ITM2B: variants seen among roughly 807,000 people sequenced by gnomAD.
ITM2B encodes the protein integral membrane protein 2B, also known as ABri/ADan amyloid peptide.
A neutral mutation model predicts 27.8 loss-of-function variants in ITM2B; 11 were observed. The observed-to-expected ratio is 0.40, with a 90% CI of 0.25 to 0.66. The LOEUF (loss-of-function observed/expected upper bound fraction) is 0.66. ITM2B is among the 30% of genes least tolerant of loss of function. The pLI, the probability that ITM2B is intolerant of heterozygous loss-of-function variation, is 0.43. For synonymous variants in ITM2B, 114 were observed against 114.3 expected (o/e 1.00, Z 0.02); for missense variants, 296 against 328.9 (o/e 0.90, Z 0.77).
chr13:48,239,359 A>T (rs759029484), intron 1 of ITM2B, among the ~76,000 whole-genome samples: 2 of 152,318 alleles, frequency 1.3e-5, no homozygotes, highest in East Asian at 1.9e-4. Flanking sequence ...TTTTCCTGCC[A>T]GGCGCAAGCC....
chr13:48,235,114 C>T (rs1951660250), intron 1 of ITM2B, among the ~76,000 whole-genome samples: 1 of 152,184 alleles, frequency 6.6e-6, no homozygotes, highest in Admixed American at 6.5e-5. Context: ...GATGTCACTT[C>T]AGACAGCTTT....
rs1951828823 is a variant in ITM2B, at chr13:48,262,562, A to G, written c.*1338A>G. 1 of 152,178 alleles carries G rather than the reference A, an allele frequency of 6.6e-6. No individual in the cohort carries two copies. The highest frequency in any genetic ancestry group is 1.9e-4 in the East Asian group (1 of 5,206). 9.4% of individuals were successfully genotyped at this position (152,178 alleles called of 1,614,324 possible). ...AATAAAATGAGAATTGGTTTTTCCT[A>G]CTTTCCAGGCTCTAAAATTACATGA... is the stretch of plus-strand genomic sequence containing the variant. On this transcript the variant is annotated 3_prime_UTR_variant, in exon 6 of 6. Coordinates refer to ENST00000647800, the MANE Select transcript of ITM2B (RefSeq NM_021999.5).
Position 48,267,959 on chromosome 13 carries a change from A to G in ITM2B, c.*6735A>G, listed in dbSNP as rs1247717977. 1 of 152,216 alleles carries G rather than the reference A, an allele frequency of 6.6e-6. No individual in the cohort carries two copies. Among genetic ancestry groups the G allele is most frequent in the Non-Finnish European group, 1.5e-5 (1 of 68,038 alleles). The allele number at this position is 152,216 out of a possible 1,614,324, so 9.4% of individuals were successfully genotyped here. ...GAAATGCATATATCTTAAGTGTTCA[A>G]CTCAGTGAGTTTTGACACTTTTCTT... On this transcript the variant is annotated 3_prime_UTR_variant, in exon 6 of 6. Transcript: ENST00000647800.
At chr13:48,243,917 G>A (rs1231889075) in intron 1 of ITM2B, among the ~76,000 whole-genome samples, 3 of 152,120 alleles carry the variant, frequency 2.0e-5, no homozygotes, top group East Asian at 1.9e-4. Context: ...GTGACATGGT[G>A]TCTGTCACTT....
intron 1 of ITM2B, 73 bp from the exon 2 acceptor site, chr13:48,253,734 AG>A: frequency 7.2e-7 from 1 of 1,394,222 alleles, no homozygotes; most frequent in Non-Finnish European, 1.0e-6. Context: ...ATAATCATTA[AG>A]GTTTTTCTAG....
Position 48,250,127 on chromosome 13 carries a change from C to T in ITM2B, c.118-3681C>T, listed in dbSNP as rs186099748. On this transcript the variant is annotated intron_variant, in intron 1 of 5. Transcript: ENST00000647800. The stretch of plus-strand genomic sequence containing the variant: ...TGTCTTAATCACATTTGATTTCCCA[C>T]AGGATCTAGCACAGTATATTGCAAA... Among the ~76,000 whole-genome samples, 29 of 152,300 alleles carry T rather than the reference C, an allele frequency of 1.9e-4. No homozygotes were observed. In the East Asian group the frequency reaches 5.6e-3, roughly 29 times the overall value.
rs545287889 is a variant in ITM2B, at chr13:48,251,694, G to A, written c.118-2114G>A. Among the ~76,000 whole-genome samples, 7 of 152,228 alleles carry A rather than the reference G, an allele frequency of 4.6e-5. No homozygotes were observed. In the South Asian group the frequency reaches 1.5e-3, roughly 32 times the overall value. On this transcript the variant is annotated intron_variant, in intron 1 of 5. Transcript: ENST00000647800. ...AGAGAAAGCCTGCCAAATGGGGTGG[G>A]TGTGTGCGCACATTTGGCTGTCCCA...
Position 48,261,474 on chromosome 13 carries a change from A to G in ITM2B, c.*250A>G, listed in dbSNP as rs1593397883. The stretch of plus-strand genomic sequence containing the variant: ...GATAATAGTACATGTCACCTTAGGT[A>G]GTAGGAAGAATTACAATTTCTTTAA... On this transcript the variant is annotated 3_prime_UTR_variant, in exon 6 of 6. Transcript: ENST00000647800. The G allele has an allele frequency of 9.6e-6, 3 of 313,426 alleles. No homozygotes were observed. Among genetic ancestry groups the G allele is most frequent in the East Asian group, 5.7e-5 (1 of 17,394 alleles). 19.4% of individuals were successfully genotyped at this position (313,426 alleles called of 1,614,324 possible). A position where few individuals can be genotyped will look rare whatever the true frequency, so the allele number is the denominator to read the frequency against.
At chr13:48,260,129 G>T (rs1951813170) in intron 5 of ITM2B, among the ~76,000 whole-genome samples, 1 of 152,110 alleles carries the variant, frequency 6.6e-6, no homozygotes, top group Non-Finnish European at 1.5e-5. Flanking sequence ...ATAGTTTGCT[G>T]AGAATGATGG....
At chr13:48,256,522 A>G (rs528104609) in intron 3 of ITM2B, 139 bp downstream of exon 3, 37 of 721,618 alleles carry the variant, frequency 5.1e-5, no homozygotes, top group African/African-American at 5.1e-4. Flanking sequence ...GGGCTCTGCT[A>G]TGTCTGAAGC....
In ITM2B at chr13:48,264,201, G is replaced by T. The variant is rs796598074; in HGVS notation, c.*2977G>T. The T allele has an allele frequency of 3.3e-4, 50 of 152,238 alleles. 1 individual carries two copies. Among genetic ancestry groups the T allele is most frequent in the African/African-American group, 1.1e-3 (46 of 41,538 alleles). 9.4% of individuals were successfully genotyped at this position (152,238 alleles called of 1,614,324 possible). On this transcript the variant is annotated 3_prime_UTR_variant, in exon 6 of 6. Coordinates refer to ENST00000647800, the MANE Select transcript of ITM2B (RefSeq NM_021999.5). ...ATGCTTCATACAGCTCTGTACAGTT[G>T]TTGACAGTGCCTTTTTTGAAACCTA...
chr13:48,249,237 G>A (rs1391530844), intron 1 of ITM2B, among the ~76,000 whole-genome samples: 1 of 152,116 alleles, frequency 6.6e-6, no homozygotes, highest in East Asian at 1.9e-4. Context: ...ATAAAGATGT[G>A]ATCATATAGT....
intron 1 of ITM2B, among the ~76,000 whole-genome samples, chr13:48,243,969 G>GT (rs1362161889): frequency 6.6e-6 from 1 of 152,096 alleles, no homozygotes; most frequent in Non-Finnish European, 1.5e-5. Context: ...GTTTGAGTCA[G>GT]TTTCCTTAAG....
Position 48,243,765 on chromosome 13 carries a change from C to T in ITM2B, c.118-10043C>T, listed in dbSNP as rs1022448449. ...CCAGGAGGTTGAGGCTGCAGTGAGC[C>T]GTGATTGCACTATTACACTCTAGCT... On this transcript the variant is annotated intron_variant, in intron 1 of 5. Transcript: ENST00000647800. Among the ~76,000 whole-genome samples, 10 of 151,568 alleles carry T rather than the reference C, an allele frequency of 6.6e-5. No individual in the cohort carries two copies. In the East Asian group the frequency reaches 1.3e-3, roughly 20 times the overall value.
At chr13:48,239,977 T>C (rs2137979853) in intron 1 of ITM2B, among the ~76,000 whole-genome samples, 2 of 152,340 alleles carry the variant, frequency 1.3e-5, no homozygotes, top group Admixed American at 1.3e-4. Context: ...GGGGAGGGGC[T>C]GCTGCTATTC....
intron 1 of ITM2B, among the ~76,000 whole-genome samples, chr13:48,240,454 A>G (rs964239491): frequency 3.9e-5 from 6 of 152,030 alleles, no homozygotes; most frequent in African/African-American, 1.5e-4. Flanking sequence ...ATCAACTACT[A>G]TTATTAAAGT....
At chr13:48,248,703 C>T (rs1446129563) in intron 1 of ITM2B, among the ~76,000 whole-genome samples, 2 of 151,902 alleles carry the variant, frequency 1.3e-5, no homozygotes, top group African/African-American at 4.8e-5. Flanking sequence ...AGTTGATGAG[C>T]TGGGAAAAAA....
rs986081892 is a variant in ITM2B at position 48,257,652 on chromosome 13, G to A, written c.454-474G>A. 5.3e-5 allele frequency among the ~76,000 whole-genome samples: 8 copies of A among 152,076 alleles called. 1 individual carries two copies. ...TTGATTTAAGTTATTCTTAAAAACC[G>A]TTCTATGAGACAGTCTTTCTCAACC... On this transcript the variant is annotated intron_variant, in intron 3 of 5. Coordinates refer to ENST00000647800, the MANE Select transcript of ITM2B (RefSeq NM_021999.5).
intron 1 of ITM2B, among the ~76,000 whole-genome samples, chr13:48,244,376 C>T (rs981551369): frequency 7.9e-5 from 12 of 152,248 alleles, no homozygotes; most frequent in Non-Finnish European, 1.3e-4. Context: ...AATATTACCA[C>T]TGAGTTTTTA....
Sources: gnomAD v4.1 joint callset for allele counts (sites outside exome capture counted in the v4.1 genomes callset) on GRCh38, gnomAD v4.1.1 for gene constraint, MANE v1.5 for transcripts, NCBI Gene and HGNC (gene_info 2026-07-23, HGNC 2026-07-21) for gene names.